The following RAD50 variants were observed in gnomAD, a reference collection of about 807,000 sequenced individuals.
The protein encoded by RAD50 is RAD50 double strand break repair protein.
RAD50 carries 132 observed loss-of-function variants against 168.8 expected under a neutral mutation model. The observed-to-expected ratio is 0.78, with a 90% confidence interval of 0.68 to 0.90. The LOEUF (loss-of-function observed/expected upper bound fraction) is 0.90, where lower values mean the gene tolerates loss of function less well. Among genes scored for constraint, RAD50 ranks in the 40% least tolerant of loss-of-function variants. The probability of loss-of-function intolerance (pLI) is 0.00; values close to 1 mark genes in which losing one functional copy is unlikely to be tolerated. For synonymous variants in RAD50, 525 were observed against 497.4 expected (o/e 1.06, Z -0.74); for missense variants, 1,347 against 1,534.4 (o/e 0.88, Z 2.04).
rs1561647492 is a variant in RAD50, at chr5:132,609,272, C to T, written c.2923-11C>T. On this transcript the variant is annotated splice_polypyrimidine_tract_variant and intron_variant, in intron 18 of 24. Transcript: ENST00000378823. ...TTTATTCATGTGCTTAAAGAATTTT[C>T]TTTTTTGTAGCAAAAAGAAACTGAA... 1 of 1,609,994 alleles carries T rather than the reference C, an allele frequency of 6.2e-7. No homozygotes were observed. Among genetic ancestry groups the T allele is most frequent in the Admixed American group, 1.7e-5 (1 of 59,512 alleles).
Position 132,642,080 on chromosome 5 carries a change from C to T in RAD50, c.3753-98C>T, listed in dbSNP as rs112529344. The T allele has an allele frequency of 1.3e-3, 1,689 of 1,317,422 alleles. 11 individuals are homozygous for T. In the African/African-American group the frequency reaches 0.016, roughly 12 times the overall value. The allele number at this position is 1,317,422 out of a possible 1,614,324, so 81.6% of individuals were successfully genotyped here. A position where few individuals can be genotyped will look rare whatever the true frequency, so the allele number is the denominator to read the frequency against. Reference sequence around the variant, plus strand: ...GGGTAGCTGGGGCCCTGACACACAGCACAAGTTCATGTGTCTGACAAGGTT... The same window carrying T: ...GGGTAGCTGGGGCCCTGACACACAGTACAAGTTCATGTGTCTGACAAGGTT... On this transcript the variant is annotated intron_variant, in intron 24 of 24. Coordinates refer to ENST00000378823, the MANE Select transcript of RAD50 (RefSeq NM_005732.4).
At position 132,633,425 on chromosome 5, in the gene RAD50, A is replaced by G. The variant is rs532016084; in HGVS notation, c.3390-3690A>G. Reference sequence around the variant, plus strand: ...CAGCTGCCTCAGCTTTCTTTATGGTATCTTTTGTAACTTTTAATTTTTAGG... The same window carrying G: ...CAGCTGCCTCAGCTTTCTTTATGGTGTCTTTTGTAACTTTTAATTTTTAGG... On this transcript the variant is annotated intron_variant, in intron 21 of 24. Coordinates refer to ENST00000378823, the MANE Select transcript of RAD50 (RefSeq NM_005732.4). Among the ~76,000 whole-genome samples, 18 of 152,004 alleles carry G rather than the reference A, an allele frequency of 1.2e-4. No individual in the cohort carries two copies. The East Asian group carries it at 2.9e-3, about 25-fold the overall frequency.
intron 2 of RAD50, among the ~76,000 whole-genome samples, chr5:132,563,775 G>T (rs1750160600): frequency 6.6e-6 from 1 of 152,186 alleles, no homozygotes; most frequent in South Asian, 2.1e-4. Context: ...ATGTCAAATT[G>T]TAACCCCCAT....
Position 132,595,685 on chromosome 5 carries a change from A to G in RAD50, c.2082A>G (p.Leu694=), listed in dbSNP as rs1580997044. 6.2e-7 allele frequency: 1 copy of G among 1,614,024 alleles called. No homozygotes were observed. The highest frequency in any genetic ancestry group is 8.5e-7 in the Non-Finnish European group (1 of 1,179,830). The change falls in exon 13 of 25, where the codon TTA becomes TTG. Residue 694 remains leucine, a synonymous_variant. Coordinates refer to ENST00000378823, the MANE Select transcript of RAD50 (RefSeq NM_005732.4). The part of the protein sequence containing the change: ...CQRVFQTEAE[L]QEVISDLQSK... ...GAGTTTTTCAGACAGAGGCTGAGTT[A>G]CAAGAAGTCATCAGTGATTTGCAGT...
In RAD50 at chr5:132,645,210, G is replaced by A. The variant is rs1751825212; in HGVS notation, c.*2846G>A. On this transcript the variant is annotated 3_prime_UTR_variant, in exon 25 of 25. Transcript: ENST00000378823. The stretch of plus-strand genomic sequence containing the variant: ...TGGTCCTCAACCCCAGCAATTCTTT[G>A]ACCCCACTGAGATTTCAATCCATTG... 1 of 152,082 alleles carries A rather than the reference G, an allele frequency of 6.6e-6. No individual in the cohort carries two copies. Among genetic ancestry groups the A allele is most frequent in the South Asian group, 2.1e-4 (1 of 4,804 alleles). The allele number at this position is 152,082 out of a possible 1,614,324, so 9.4% of individuals were successfully genotyped here.
At chr5:132,601,682 T>C (rs899654462) in intron 13 of RAD50, among the ~76,000 whole-genome samples, 9 of 152,150 alleles carry the variant, frequency 5.9e-5, no homozygotes, top group African/African-American at 1.9e-4. Context: ...CACACATATG[T>C]TTATTGCGGC....
chr5:132,634,832 C>G (rs1257207553), intron 21 of RAD50, among the ~76,000 whole-genome samples: 1 of 152,052 alleles, frequency 6.6e-6, no homozygotes, highest in Non-Finnish European at 1.5e-5. Context: ...TTTTAATCTG[C>G]TACTATATTA....
At chr5:132,625,754 A>C (rs556385367) in intron 21 of RAD50, among the ~76,000 whole-genome samples, 1 of 152,298 alleles carries the variant, frequency 6.6e-6, no homozygotes, top group Admixed American at 6.5e-5. Context: ...TTTCACTCCC[A>C]CAAATGAATG....
chr5:132,622,907 TA>T (rs1178453567), intron 21 of RAD50, among the ~76,000 whole-genome samples: 3 of 152,208 alleles, frequency 2.0e-5, no homozygotes, highest in Non-Finnish European at 4.4e-5. Context: ...GGCCTGCATG[TA>T]GGGTTTTTGT....
chr5:132,633,543 A>T (rs2149860966), intron 21 of RAD50, among the ~76,000 whole-genome samples: 1 of 151,268 alleles, frequency 6.6e-6, no homozygotes, highest in South Asian at 2.1e-4. Flanking sequence ...AAATGTTTTC[A>T]TCTGATTGTT....
At chr5:132,587,430 A>G (rs1750612203) in intron 5 of RAD50, 132 bp from the exon 6 acceptor site, 5 of 1,342,744 alleles carry the variant, frequency 3.7e-6, no homozygotes, top group South Asian at 1.5e-5. Flanking sequence ...GGCCTGCTCT[A>G]CAGTGTTATT....
chr5:132,577,103 A>G (rs1750413448), intron 3 of RAD50, among the ~76,000 whole-genome samples: 1 of 152,224 alleles, frequency 6.6e-6, no homozygotes, highest in Non-Finnish European at 1.5e-5. Flanking sequence ...TCAAGATGTT[A>G]GTAGGGTTAC....
At chr5:132,581,292 G>A (rs1011309305) in intron 5 of RAD50, among the ~76,000 whole-genome samples, 3 of 151,924 alleles carry the variant, frequency 2.0e-5, no homozygotes, top group East Asian at 1.9e-4. Flanking sequence ...AGAATTTTTT[G>A]TATTTTTAGT....
At position 132,571,243 on chromosome 5, in the gene RAD50, A is replaced by G. The variant is rs1383014047; in HGVS notation, c.214-4534A>G. On this transcript the variant is annotated intron_variant, in intron 2 of 24. Coordinates refer to ENST00000378823, the MANE Select transcript of RAD50 (RefSeq NM_005732.4). ...TGACACAGAGACACAAAGTGAGCAC[A>G]TGCTGTTGGAAAAATGGCACCGATA... Among the ~76,000 whole-genome samples, 4 of 152,262 alleles carry G rather than the reference A, an allele frequency of 2.6e-5. No homozygotes were observed. In the East Asian group the frequency reaches 7.7e-4, roughly 29 times the overall value.
rs1581004859 is a variant in RAD50 at position 132,609,304 on chromosome 5, A to G, written c.2944A>G (p.Lys982Glu). ...GTAGCAAAAAGAAACTGAACTTAAT[A>G]AAGTAATAGCTCAACTAAGTGAATG... is the stretch of plus-strand genomic sequence containing the variant. ...YKKQKETELN[K>E]VIAQLSECEK... Residue 982 changes from lysine (K) to glutamate (E), a missense_variant, in exon 19 of 25, where the codon AAA becomes GAA. Lys to Glu is a moderately conservative substitution (Grantham distance 56, BLOSUM62 1). This residue lies in a region of RAD50 where 635 missense variants were observed against 739.2 expected (regional missense o/e 0.86). Transcript: ENST00000378823. 1.2e-6 allele frequency: 2 copies of G among 1,612,706 alleles called. No homozygotes were observed. The highest frequency in any genetic ancestry group is 1.7e-6 in the Non-Finnish European group (2 of 1,179,642).
At chr5:132,580,172 T>A in intron 5 of RAD50, 106 bp downstream of exon 5, 1 of 926,028 alleles carries the variant, frequency 1.1e-6, no homozygotes, top group Non-Finnish European at 1.7e-6. Flanking sequence ...TCAAGCTATT[T>A]AACGTTCATT....
At chr5:132,640,643 G>C (rs2149865435) in intron 23 of RAD50, 29 bp from the exon 24 acceptor site, 7 of 1,614,078 alleles carry the variant, frequency 4.3e-6, no homozygotes, top group Non-Finnish European at 5.9e-6. Flanking sequence ...GGTCTGTGCT[G>C]GGCTTCTCAC....
chr5:132,596,511 G>C (rs2706369), intron 13 of RAD50, among the ~76,000 whole-genome samples: 1 of 152,096 alleles, frequency 6.6e-6, no homozygotes, highest in Admixed American at 6.5e-5. Context: ...TTTTCCACTT[G>C]CTAAAAGAAT....
At chr5:132,567,190 T>G (rs1750224059) in intron 2 of RAD50, among the ~76,000 whole-genome samples, 1 of 152,224 alleles carries the variant, frequency 6.6e-6, no homozygotes, top group South Asian at 2.1e-4. Context: ...ATTTTTTTTT[T>G]TTAAAGCAGA....
Sources: gnomAD v4.1 joint callset for allele counts (sites outside exome capture counted in the v4.1 genomes callset) on GRCh38, gnomAD v4.1.1 for gene constraint, gnomAD v4.1.1 regional missense constraint, MANE v1.5 for transcripts, NCBI Gene and HGNC (gene_info 2026-07-23, HGNC 2026-07-21) for gene names.